CDH4: variants seen among roughly 807,000 people sequenced by gnomAD.
The protein encoded by CDH4 is cadherin 4, also known as cadherin-4.
In CDH4, 33 loss-of-function variants were observed where a neutral mutation model predicts 86.0. That is an observed-to-expected ratio of 0.38 (90% confidence interval 0.29 to 0.51). The LOEUF is 0.51. Ranked by LOEUF, CDH4 falls within the 20% of genes least tolerant of loss-of-function variation. The pLI is 0.86. For missense variants in CDH4, 1,114 were observed against 1,307.4 expected, an observed-to-expected ratio of 0.85 and a Z score of 2.28; for synonymous variants, 555 against 549.4, an observed-to-expected ratio of 1.01 and a Z score of -0.14.
intron 6 of CDH4, among the ~76,000 whole-genome samples, chr20:61,868,428 G>A (rs1303808114): frequency 6.6e-6 from 1 of 152,156 alleles, no homozygotes. Context: ...GCCAACAAGG[G>A]GTGAGAGGCA....
chr20:61,709,635 G>T lies in CDH4; in HGVS notation c.170-33928G>T, dbSNP rs1205537766. Among the ~76,000 whole-genome samples the T allele has an allele frequency of 6.6e-6, 1 of 151,784 alleles. No homozygotes were observed. The highest frequency in any genetic ancestry group is 1.5e-5 in the Non-Finnish European group (1 of 67,978). On this transcript the variant is annotated intron_variant, in intron 2 of 15. Transcript: ENST00000614565. The surrounding 1 kb of genome is among the most constrained non-coding windows in gnomAD (Gnocchi z 4.8). Reference sequence around the variant, plus strand: ...GGCTAATCACAGAGTGAGCAGAGGTGCATGGCAGAGAAGGTAGCATGGTTT... The same window carrying T: ...GGCTAATCACAGAGTGAGCAGAGGTTCATGGCAGAGAAGGTAGCATGGTTT...
intron 12 of CDH4, 120 bp from the exon 13 acceptor site, chr20:61,929,489 G>A: frequency 1.4e-6 from 1 of 707,262 alleles, no homozygotes; most frequent in South Asian, 1.7e-5. Context: ...ATGTATGTGT[G>A]GTAACCAGGC....
At chr20:61,525,642 T>A (rs965549960) in intron 2 of CDH4, among the ~76,000 whole-genome samples, 5 of 152,220 alleles carry the variant, frequency 3.3e-5, no homozygotes, top group African/African-American at 1.2e-4. Flanking sequence ...GGCTCTGTGC[T>A]GCGGCTGTAC....
At chr20:61,317,335 C>T (rs906337896) in intron 2 of CDH4, among the ~76,000 whole-genome samples, 6 of 152,186 alleles carry the variant, frequency 3.9e-5, no homozygotes, top group East Asian at 1.9e-4. Flanking sequence ...CTCAGCCTCC[C>T]GAATAACCTG....
intron 2 of CDH4, among the ~76,000 whole-genome samples, chr20:61,355,261 T>C (rs757386692): frequency 1.3e-5 from 2 of 152,070 alleles, no homozygotes; most frequent in Non-Finnish European, 2.9e-5. Flanking sequence ...AAGCAAAACA[T>C]TCAGAAAGGC....
chr20:61,814,489 C>T (rs188222306), intron 4 of CDH4, among the ~76,000 whole-genome samples: 2 of 152,278 alleles, frequency 1.3e-5, no homozygotes, highest in East Asian at 1.9e-4. Flanking sequence ...CACCCACGCT[C>T]GAAGCCCCCA....
intron 2 of CDH4, among the ~76,000 whole-genome samples, chr20:61,389,619 C>G (rs1280739772): frequency 1.3e-5 from 2 of 152,170 alleles, no homozygotes; most frequent in Non-Finnish European, 2.9e-5. Context: ...CATTGTTGTT[C>G]TATAGATCGA....
chr20:61,883,731 G>A (rs1232666026), intron 7 of CDH4, among the ~76,000 whole-genome samples: 4 of 152,264 alleles, frequency 2.6e-5, no homozygotes, highest in African/African-American at 9.6e-5. Flanking sequence ...AGAGGCCCCA[G>A]GGAGGAGCCC....
intron 2 of CDH4, among the ~76,000 whole-genome samples, chr20:61,423,671 G>A (rs964536137): frequency 3.0e-5 from 2 of 67,752 alleles, no homozygotes; most frequent in African/African-American, 1.2e-4. Context: ...TGGCAGGTAC[G>A]TTCGTCATTT....
chr20:61,261,262 G>A (rs1025089797), intron 2 of CDH4, among the ~76,000 whole-genome samples: 2 of 152,286 alleles, frequency 1.3e-5, no homozygotes, highest in Non-Finnish European at 2.9e-5. Flanking sequence ...ATTCCTAACC[G>A]CTGCTTCTCT....
chr20:61,568,433 C>G (rs995987378), intron 2 of CDH4, among the ~76,000 whole-genome samples: 1 of 152,204 alleles, frequency 6.6e-6, no homozygotes, highest in African/African-American at 2.4e-5. Context: ...TTGTAAGTTT[C>G]CTGAGGCCTC....
chr20:61,785,588 C>G (rs552497567), intron 4 of CDH4, among the ~76,000 whole-genome samples: 3 of 151,866 alleles, frequency 2.0e-5, no homozygotes, highest in Non-Finnish European at 4.4e-5. Flanking sequence ...CACCCAGGTG[C>G]GCAGAGCCCT....
At chr20:61,354,982 G>T (rs2084739581) in intron 2 of CDH4, among the ~76,000 whole-genome samples, 1 of 152,162 alleles carries the variant, frequency 6.6e-6, no homozygotes, top group Admixed American at 6.5e-5. Flanking sequence ...CATTTTATGG[G>T]CCATTTTCCC....
intron 4 of CDH4, among the ~76,000 whole-genome samples, chr20:61,780,791 G>A (rs984454475): frequency 2.6e-5 from 4 of 152,240 alleles, no homozygotes; most frequent in Non-Finnish European, 5.9e-5. Context: ...TGAGACGTGT[G>A]TGCAGGTGGC....
intron 2 of CDH4, among the ~76,000 whole-genome samples, chr20:61,320,413 A>G (rs2084501690): frequency 1.3e-5 from 2 of 152,090 alleles, no homozygotes; most frequent in East Asian, 1.9e-4. Flanking sequence ...CCACAAAACC[A>G]TGCAGGTGTG....
intron 2 of CDH4, among the ~76,000 whole-genome samples, chr20:61,335,638 G>A (rs755347270): frequency 2.6e-5 from 4 of 152,152 alleles, no homozygotes; most frequent in East Asian, 1.9e-4. Flanking sequence ...TCAATAAGTC[G>A]TGCAAATTGT....
At chr20:61,782,895 C>T (rs1282069771) in intron 4 of CDH4, among the ~76,000 whole-genome samples, 3 of 152,168 alleles carry the variant, frequency 2.0e-5, no homozygotes, top group Non-Finnish European at 4.4e-5. Flanking sequence ...ACCAGCCTGA[C>T]CAACATGGTG....
intron 2 of CDH4, among the ~76,000 whole-genome samples, chr20:61,384,029 G>T (rs1317123283): frequency 6.6e-6 from 1 of 151,980 alleles, no homozygotes; most frequent in Non-Finnish European, 1.5e-5. Context: ...GAAGCATTCA[G>T]CACGGGAGAA....
chr20:61,856,997 A>G (rs891519676), intron 6 of CDH4, among the ~76,000 whole-genome samples: 1 of 152,224 alleles, frequency 6.6e-6, no homozygotes, highest in African/African-American at 2.4e-5. Context: ...TGCAGCCACC[A>G]TGGCCTTGGA....
Sources: allele counts gnomAD v4.1 joint callset (sites outside exome capture counted in the v4.1 genomes callset), GRCh38; gene constraint gnomAD v4.1.1; non-coding constraint Gnocchi (gnomAD v3.1); transcripts MANE v1.5; gene names NCBI Gene and HGNC (gene_info 2026-07-23, HGNC 2026-07-21).